Variants in PSD3 observed in about 807,000 individuals in gnomAD.
PSD3 encodes the protein PH and SEC7 domain-containing protein 3.
Under a neutral mutation model 105.5 loss-of-function variants are expected in PSD3, and 49 were observed. That is an observed-to-expected ratio of 0.46 (90% CI 0.37 to 0.59). The LOEUF (loss-of-function observed/expected upper bound fraction) is 0.59, where lower values mean the gene tolerates loss of function less well. Ranked by LOEUF, PSD3 falls within the 20% of genes least tolerant of loss-of-function variation. The pLI is 0.00. For synonymous variants in PSD3, 557 were observed against 457.8 expected, an observed-to-expected ratio of 1.22 and a Z score of -2.77; for missense variants, 1,561 against 1,263.8, an observed-to-expected ratio of 1.24 and a Z score of -3.57.
intron 1 of PSD3, among the ~76,000 whole-genome samples, chr8:19,059,976 C>T (rs577216496): frequency 3.3e-5 from 5 of 152,314 alleles, no homozygotes; most frequent in South Asian, 2.1e-4. Context: ...CAAGCCTGCA[C>T]GGGCTGCTGT....
chr8:18,655,620 G>A, intron 10 of PSD3, 22 bp downstream of exon 10: 1 of 1,611,090 alleles, frequency 6.2e-7, no homozygotes, highest in Non-Finnish European at 8.5e-7. Flanking sequence ...ATTATTAAAA[G>A]GCTGACGTCC....
rs189338273 is a variant in PSD3 at position 18,662,894 on chromosome 8, C to T, written c.2173-7209G>A. 1.9e-3 allele frequency among the ~76,000 whole-genome samples: 287 copies of T among 152,100 alleles called. 4 individuals are homozygous for T. Among genetic ancestry groups the T allele is most frequent in the Non-Finnish European group, 2.1e-4 (14 of 67,980 alleles). On this transcript the variant is annotated intron_variant, in intron 9 of 15. Transcript: ENST00000327040. Reference sequence around the variant, plus strand: ...CATTTTAAAATTGCAAATGAACGAACAAGAATAGGAGAGGGAGTGGGAGCT... The same window carrying T: ...CATTTTAAAATTGCAAATGAACGAATAAGAATAGGAGAGGGAGTGGGAGCT...
intron 1 of PSD3, among the ~76,000 whole-genome samples, chr8:18,966,403 T>A (rs984857405): frequency 3.3e-5 from 5 of 151,914 alleles, no homozygotes; most frequent in Non-Finnish European, 7.4e-5. Context: ...AATCCCCATC[T>A]CTACTAAAAA....
chr8:19,058,645 T>A (rs532208580), intron 1 of PSD3, among the ~76,000 whole-genome samples: 38 of 152,266 alleles, frequency 2.5e-4, no homozygotes, highest in African/African-American at 9.1e-4. Context: ...TCTACCTGTA[T>A]CTCTTCCTTT....
chr8:18,981,537 A>G (rs1455899327), intron 1 of PSD3, among the ~76,000 whole-genome samples: 1 of 152,216 alleles, frequency 6.6e-6, no homozygotes, highest in Non-Finnish European at 1.5e-5. Context: ...AAAAGTATTT[A>G]GAAGACTTCC....
rs777672639 is a variant in PSD3, at chr8:18,872,499, T to C, written c.365A>G (p.His122Arg). Residue 122 changes from histidine to arginine, a missense_variant, in exon 3 of 16, where the codon CAT (histidine) becomes CGT (arginine). His to Arg is a conservative substitution (Grantham distance 29, BLOSUM62 0). Coordinates refer to ENST00000327040, the MANE Select transcript of PSD3 (RefSeq NM_015310.4). ...GGGCTGTAAACTTTGTTCCTTGAGA[T>C]GACTTTGAGAGGGGGCCTCTCTGAC... ...KDVREAPSQS[H>R]LKEQSLQPID... 50 of 1,614,054 alleles carry C rather than the reference T, an allele frequency of 3.1e-5. No homozygotes were observed. Among genetic ancestry groups the C allele is most frequent in the Admixed American group, 1.2e-4 (7 of 60,000 alleles).
chr8:18,623,462 A>C (rs1419459261), intron 11 of PSD3, among the ~76,000 whole-genome samples: 1 of 149,476 alleles, frequency 6.7e-6, no homozygotes, highest in Admixed American at 6.7e-5. Flanking sequence ...AAAAAAAAAA[A>C]AAAAAAAAGA....
upstream of PSD3, among the ~76,000 whole-genome samples, chr8:19,018,526 G>A (rs1827248733): frequency 6.6e-6 from 1 of 152,162 alleles, no homozygotes. Context: ...TTTGAATCAA[G>A]AGAAATGTTC....
intron 9 of PSD3, among the ~76,000 whole-genome samples, chr8:18,715,492 C>T (rs756750983): frequency 6.6e-6 from 1 of 152,180 alleles, no homozygotes; most frequent in Admixed American, 6.5e-5. Context: ...AAGTGCTCTA[C>T]AAACTCTAAC....
chr8:18,913,086 A>AACACAC (rs72253853), intron 2 of PSD3, among the ~76,000 whole-genome samples: 3,903 of 130,462 alleles, frequency 0.03, 83 homozygotes, highest in East Asian at 0.1. Flanking sequence ...CACACACACA[A>AACACAC]ACACACACAC....
chr8:18,661,661 T>C (rs1809358103), intron 9 of PSD3, among the ~76,000 whole-genome samples: 1 of 152,200 alleles, frequency 6.6e-6, no homozygotes, highest in South Asian at 2.1e-4. Flanking sequence ...CACCTTGCGA[T>C]GTACCAAATA....
chr8:18,621,862 A>C (rs1326184407), intron 11 of PSD3, among the ~76,000 whole-genome samples: 2 of 152,196 alleles, frequency 1.3e-5, no homozygotes, highest in Non-Finnish European at 2.9e-5. Flanking sequence ...ATTATCTCTT[A>C]ATTATAGTGT....
intron 11 of PSD3, among the ~76,000 whole-genome samples, chr8:18,605,636 C>G (rs548076607): frequency 2.6e-5 from 4 of 151,976 alleles, no homozygotes; most frequent in Non-Finnish European, 5.9e-5. Flanking sequence ...GGGCCTGGGG[C>G]GGAATGATAT....
intron 4 of PSD3, among the ~76,000 whole-genome samples, chr8:18,865,766 C>A (rs1048073960): frequency 6.6e-6 from 1 of 152,130 alleles, no homozygotes; most frequent in Non-Finnish European, 1.5e-5. Flanking sequence ...GACAAGATCT[C>A]CTGGTTTGAC....
intron 2 of PSD3, among the ~76,000 whole-genome samples, chr8:18,877,596 C>T (rs1021885502): frequency 1.0e-4 from 15 of 147,802 alleles, no homozygotes; most frequent in Non-Finnish European, 1.8e-4. Context: ...GGCTGGAGTA[C>T]GGTGGTGCAA....
intron 9 of PSD3, chr8:18,762,883 CAG>C (rs1806655928): frequency 8.2e-7 from 1 of 1,224,768 alleles, no homozygotes; most frequent in African/African-American, 1.6e-5. Context: ...AACAAAAAAA[CAG>C]AATTTGGCTT....
At position 18,593,812 on chromosome 8, in the gene PSD3, A is replaced by T. The variant is rs191495871; in HGVS notation, c.2481+6552T>A. Reference sequence around the variant, plus strand: ...TGCAGCCCTAAAAAAGGATGAGTTCATGTCCTTTGTAGGGACATGGATGAA... The same window carrying T: ...TGCAGCCCTAAAAAAGGATGAGTTCTTGTCCTTTGTAGGGACATGGATGAA... On this transcript the variant is annotated intron_variant, in intron 12 of 15. Transcript: ENST00000327040. 2.4e-3 allele frequency among the ~76,000 whole-genome samples: 360 copies of T among 151,930 alleles called. 2 individuals carry two copies. Among genetic ancestry groups the T allele is most frequent in the Non-Finnish European group, 3.8e-3 (261 of 67,994 alleles).
chr8:18,827,393 G>A (rs746277734), intron 4 of PSD3, among the ~76,000 whole-genome samples: 7 of 152,172 alleles, frequency 4.6e-5, no homozygotes, highest in Non-Finnish European at 7.3e-5. Context: ...CAGTGCAAGA[G>A]CCAATGTCAC....
At chr8:18,632,383 T>C (rs1476092314) in intron 11 of PSD3, among the ~76,000 whole-genome samples, 2 of 152,088 alleles carry the variant, frequency 1.3e-5, no homozygotes, top group African/African-American at 4.8e-5. Context: ...GGATAGAGAA[T>C]GAATAAATTG....
Sources: gnomAD v4.1 joint callset for allele counts (sites outside exome capture counted in the v4.1 genomes callset) on GRCh38, gnomAD v4.1.1 for gene constraint, MANE v1.5 for transcripts, NCBI Gene and HGNC (gene_info 2026-07-23, HGNC 2026-07-21) for gene names.